MTMR7: variants seen among roughly 807,000 people sequenced by gnomAD.
The protein encoded by MTMR7 is phosphatidylinositol-3-phosphate phosphatase MTMR7.
A neutral mutation model predicts 81.2 loss-of-function variants in MTMR7; 76 were observed. The ratio of observed to expected loss-of-function variants is 0.94; its 90% CI spans 0.78 to 1.13. MTMR7 has a LOEUF of 1.13. Ranked by LOEUF, MTMR7 falls within the 50% of genes most tolerant of loss-of-function variation. The pLI, the probability that MTMR7 is intolerant of heterozygous loss-of-function variation, is 0.00. For synonymous variants in MTMR7, 372 were observed against 289.8 expected, an observed-to-expected ratio of 1.28 and a Z score of -2.88; for missense variants, 1,044 against 820.0, an observed-to-expected ratio of 1.27 and a Z score of -3.34.
intron 6 of MTMR7, among the ~76,000 whole-genome samples, chr8:17,340,337 T>C (rs1355169975): frequency 6.6e-6 from 1 of 152,244 alleles, no homozygotes; most frequent in Non-Finnish European, 1.5e-5. Context: ...CTGCTTACCA[T>C]ACAAGGAGAC....
intron 5 of MTMR7, among the ~76,000 whole-genome samples, chr8:17,342,771 G>A (rs1475137321): frequency 6.6e-6 from 1 of 152,114 alleles, no homozygotes; most frequent in Non-Finnish European, 1.5e-5. Flanking sequence ...AGAATCCAGG[G>A]GGACAAGGTG....
chr8:17,319,833 A>C (rs1008044461), intron 7 of MTMR7, among the ~76,000 whole-genome samples: 1 of 152,100 alleles, frequency 6.6e-6, no homozygotes, highest in Non-Finnish European at 1.5e-5. Flanking sequence ...ATAATTCAGC[A>C]GGAACCAATC....
At chr8:17,335,241 T>C (rs1819198153) in intron 6 of MTMR7, among the ~76,000 whole-genome samples, 1 of 152,058 alleles carries the variant, frequency 6.6e-6, no homozygotes, top group Non-Finnish European at 1.5e-5. Context: ...GCCCTGAGTG[T>C]CTCATTGATG....
At chr8:17,404,129 C>T (rs1422875512) in intron 1 of MTMR7, among the ~76,000 whole-genome samples, 1 of 152,010 alleles carries the variant, frequency 6.6e-6, no homozygotes, top group East Asian at 1.9e-4. Flanking sequence ...CAAAAATAAA[C>T]TGGTGGGGGA....
At chr8:17,346,225 A>G (rs1819547115) in intron 5 of MTMR7, 1 of 152,198 alleles carries the variant, frequency 6.6e-6, no homozygotes, top group Admixed American at 6.5e-5. Flanking sequence ...GTTATAAAAC[A>G]CAAATTTGAT....
chr8:17,394,219 T>G (rs1483586989), intron 1 of MTMR7, among the ~76,000 whole-genome samples: 2 of 152,146 alleles, frequency 1.3e-5, no homozygotes, highest in Non-Finnish European at 2.9e-5. Flanking sequence ...TGATAACATA[T>G]TTTCACACAC....
In MTMR7 at chr8:17,369,791, G is replaced by A. The variant is rs1348930109; in HGVS notation, c.310+1246C>T. On this transcript the variant is annotated intron_variant, in intron 3 of 13. Transcript: ENST00000180173. ...CTCCCAAGTAGCTGGGACTACAGGC[G>A]CACACTGCCACGCCCAGCTAATTTT... Among the ~76,000 whole-genome samples the A allele has an allele frequency of 3.3e-5, 5 of 151,742 alleles. No homozygotes were observed. In the East Asian group the frequency reaches 7.8e-4, roughly 24 times the overall value.
In MTMR7 at chr8:17,314,890, C is replaced by T. The variant is rs542271774; in HGVS notation, c.866-1489G>A. Among the ~76,000 whole-genome samples, 3 of 152,256 alleles carry T rather than the reference C, an allele frequency of 2.0e-5. No homozygotes were observed. In the East Asian group the frequency reaches 5.8e-4, roughly 29 times the overall value. ...GGTCACAGTGTTGCCCCTTGCACAC[C>T]TCAGGCCCAGCATCACAGGCAGGAA... On this transcript the variant is annotated intron_variant, in intron 7 of 13. Transcript: ENST00000180173.
intron 3 of MTMR7, among the ~76,000 whole-genome samples, chr8:17,365,870 G>A (rs919590758): frequency 6.6e-6 from 1 of 152,188 alleles, no homozygotes; most frequent in African/African-American, 2.4e-5. Flanking sequence ...AATTAAGGAT[G>A]AGTAACAGTT....
At position 17,366,885 on chromosome 8, in the gene MTMR7, C is replaced by CAAAAAAAAAAA. The variant is rs1277882494; in HGVS notation, c.310+4141_310+4151dup. ...TGGATGACAGAGCGAGACTCCATCT[C>CAAAAAAAAAAA]AAAAAAAAAAAAACTGTAGCTGAAA... On this transcript the variant is annotated intron_variant, in intron 3 of 13. Coordinates refer to ENST00000180173, the MANE Select transcript of MTMR7 (RefSeq NM_004686.5). Among the ~76,000 whole-genome samples, 19 of 88,188 alleles carry CAAAAAAAAAAA rather than the reference C, an allele frequency of 2.2e-4. 1 individual carries two copies. The highest frequency in any genetic ancestry group is 7.1e-4 in the African/African-American group (12 of 16,994). 57.9% of individuals were successfully genotyped at this position (88,188 alleles called of 152,430 possible). A position where few individuals can be genotyped will look rare whatever the true frequency, so the allele number is the denominator to read the frequency against.
intron 7 of MTMR7, among the ~76,000 whole-genome samples, chr8:17,322,483 A>C (rs943063230): frequency 6.6e-6 from 1 of 152,190 alleles, no homozygotes; most frequent in Non-Finnish European, 1.5e-5. Context: ...TGGTAAGGAA[A>C]AGTGAGTATT....
chr8:17,383,599 C>G (rs1056256627), intron 1 of MTMR7, among the ~76,000 whole-genome samples: 1 of 152,218 alleles, frequency 6.6e-6, no homozygotes, highest in Non-Finnish European at 1.5e-5. Flanking sequence ...AACATCCTGG[C>G]TCAACAGTCT....
chr8:17,299,751 T>C lies in MTMR7; in HGVS notation c.*111A>G. 6.9e-7 allele frequency: 1 copy of C among 1,454,150 alleles called. No homozygotes were observed. Among genetic ancestry groups the C allele is most frequent in the East Asian group, 2.3e-5 (1 of 43,774 alleles). 90.1% of individuals were successfully genotyped at this position (1,454,150 alleles called of 1,614,324 possible). A position where few individuals can be genotyped will look rare whatever the true frequency, so the allele number is the denominator to read the frequency against. ...TTCCCTTTTCATAGCTGCATTAAAG[T>C]AGTTCTCAATGACATGCACCATTTC... On this transcript the variant is annotated 3_prime_UTR_variant, in exon 14 of 14. Transcript: ENST00000180173.
intron 1 of MTMR7, among the ~76,000 whole-genome samples, chr8:17,396,595 C>T (rs923769524): frequency 5.9e-5 from 9 of 152,102 alleles, no homozygotes; most frequent in African/African-American, 2.2e-4. Context: ...TGGCAAGCCT[C>T]ACTACTGCAG....
chr8:17,374,603 G>C (rs575654343), intron 1 of MTMR7, among the ~76,000 whole-genome samples: 10 of 151,946 alleles, frequency 6.6e-5, no homozygotes, highest in Admixed American at 3.9e-4. Context: ...CCTGGCGACA[G>C]AGTGAGACTC....
At chr8:17,379,798 T>G (rs1343767518) in intron 1 of MTMR7, among the ~76,000 whole-genome samples, 1 of 152,150 alleles carries the variant, frequency 6.6e-6, no homozygotes, top group Non-Finnish European at 1.5e-5. Context: ...TTTGTTTTTG[T>G]TTTTGTTTTT....
In MTMR7 at chr8:17,311,642, A is replaced by G; in HGVS notation, c.976-6T>C. 2 of 1,614,088 alleles carry G rather than the reference A, an allele frequency of 1.2e-6. No individual in the cohort carries two copies. The highest frequency in any genetic ancestry group is 1.7e-6 in the Non-Finnish European group (2 of 1,180,002). On this transcript the variant is annotated splice_region_variant and splice_polypyrimidine_tract_variant and intron_variant, in intron 8 of 13. Transcript: ENST00000180173. ...GCCCCTTCCTCTGACACTGCCTAGAAAACACACGATCCGCAAAGAGTCACA... is the reference window on the plus strand; with the variant it reads ...GCCCCTTCCTCTGACACTGCCTAGAGAACACACGATCCGCAAAGAGTCACA...
In MTMR7 at chr8:17,297,063, A is replaced by ATATT. The variant is rs989963255; in HGVS notation, c.*2795_*2798dup. On this transcript the variant is annotated 3_prime_UTR_variant, in exon 14 of 14. Transcript: ENST00000180173. ...CCATTTTTTCTAATTTTATGGCTATATATTTTCTTCATAAAAATTGGTCAC... is the reference window on the plus strand; with the variant it reads ...CCATTTTTTCTAATTTTATGGCTATATATTTATTTTCTTCATAAAAATTGGTCAC... The ATATT allele has an allele frequency of 6.6e-6, 1 of 152,170 alleles. No individual in the cohort carries two copies. The highest frequency in any genetic ancestry group is 1.5e-5 in the Non-Finnish European group (1 of 68,000). The allele number at this position is 152,170 out of a possible 1,614,324, so 9.4% of individuals were successfully genotyped here. A position where few individuals can be genotyped will look rare whatever the true frequency, so the allele number is the denominator to read the frequency against.
intron 1 of MTMR7, among the ~76,000 whole-genome samples, chr8:17,382,310 G>T (rs1381451812): frequency 6.6e-6 from 1 of 152,188 alleles, no homozygotes; most frequent in East Asian, 1.9e-4. Context: ...GGAACAAGCT[G>T]CCCAGCCACA....
Sources: gnomAD v4.1 joint callset for allele counts (sites outside exome capture counted in the v4.1 genomes callset) on GRCh38, gnomAD v4.1.1 for gene constraint, MANE v1.5 for transcripts, NCBI Gene and HGNC (gene_info 2026-07-23, HGNC 2026-07-21) for gene names.